The following OLFML2B variants were observed in gnomAD, a reference collection of about 807,000 sequenced individuals.
OLFML2B encodes olfactomedin like 2B.
In OLFML2B, 57 loss-of-function variants were observed where a neutral mutation model predicts 74.9. That is an observed-to-expected ratio of 0.76 (90% CI 0.61 to 0.95). The LOEUF (loss-of-function observed/expected upper bound fraction) is 0.95, where lower values mean the gene tolerates loss of function less well. Among genes scored for constraint, OLFML2B ranks in the 40% least tolerant of loss-of-function variants. OLFML2B has a pLI of 0.00. For synonymous variants in OLFML2B, 388 were observed against 405.8 expected (o/e 0.96, Z 0.53); for missense variants, 986 against 970.6 (o/e 1.02, Z -0.21).
chr1:162,004,347 C>A (rs1398612650), intron 4 of OLFML2B, among the ~76,000 whole-genome samples: 1 of 152,178 alleles, frequency 6.6e-6, no homozygotes, highest in Non-Finnish European at 1.5e-5. Flanking sequence ...AGTAGCCAGC[C>A]TGTCAGGGAC....
In OLFML2B at chr1:162,000,097, G is replaced by T. The variant is rs1051730861; in HGVS notation, c.949+16C>A. On this transcript the variant is annotated intron_variant, in intron 5 of 7. Transcript: ENST00000294794. The stretch of plus-strand genomic sequence containing the variant: ...CCTACCCTGCCTCTGGGGCGGCCCT[G>T]TTGACCCCAACTCACGCTGCTCTTC... 4 of 1,570,330 alleles carry T rather than the reference G, an allele frequency of 2.5e-6. No homozygotes were observed. The East Asian group carries it at 9.0e-5, about 35-fold the overall frequency.
chr1:161,988,874 G>T (rs571517653), intron 6 of OLFML2B, among the ~76,000 whole-genome samples: 4 of 152,044 alleles, frequency 2.6e-5, no homozygotes, highest in Non-Finnish European at 5.9e-5. Context: ...ACTGAAAATG[G>T]AAATCATTTG....
chr1:162,011,196 G>A (rs975615635), intron 3 of OLFML2B, among the ~76,000 whole-genome samples: 3 of 152,312 alleles, frequency 2.0e-5, no homozygotes, highest in South Asian at 2.1e-4. Context: ...CATATCTAAG[G>A]AGGCTGCCTG....
chr1:162,002,280 C>A (rs114420255), intron 4 of OLFML2B, among the ~76,000 whole-genome samples: 8 of 152,166 alleles, frequency 5.3e-5, no homozygotes, highest in Non-Finnish European at 8.8e-5. Context: ...AATGAAGAGG[C>A]GGCTTCCTGC....
rs1371963180 is a variant in OLFML2B at position 161,984,560 on chromosome 1, C to G, written c.1651+244G>C. On this transcript the variant is annotated intron_variant, in intron 7 of 7. Transcript: ENST00000294794. ...TTGTCAAGGGCTATGGGAAAGGGAG[C>G]CTGTCTTCTGGACTCGGAGGTTTTT... Among the ~76,000 whole-genome samples the G allele has an allele frequency of 2.0e-5, 3 of 152,206 alleles. No individual in the cohort carries two copies. The East Asian group carries it at 5.8e-4, about 29-fold the overall frequency.
chr1:161,993,886 C>T (rs1689814293), intron 6 of OLFML2B, among the ~76,000 whole-genome samples: 1 of 152,218 alleles, frequency 6.6e-6, no homozygotes, highest in African/African-American at 2.4e-5. Context: ...TCACTGCTGC[C>T]TCCCTGCACC....
chr1:162,019,891 C>G, intron 2 of OLFML2B, 28 bp downstream of exon 2: 1 of 1,609,474 alleles, frequency 6.2e-7, no homozygotes, highest in Non-Finnish European at 8.5e-7. Flanking sequence ...CCCTCTCGTC[C>G]AAGGCATTGC....
chr1:162,011,976 A>G (rs932246985), intron 3 of OLFML2B, among the ~76,000 whole-genome samples: 4 of 152,228 alleles, frequency 2.6e-5, no homozygotes, highest in African/African-American at 9.7e-5. Flanking sequence ...TGAAGTATAT[A>G]CAACCCTGGG....
At chr1:162,017,082 T>A (rs1690561326) in intron 3 of OLFML2B, among the ~76,000 whole-genome samples, 1 of 152,206 alleles carries the variant, frequency 6.6e-6, no homozygotes, top group Non-Finnish European at 1.5e-5. Context: ...GGTAAGATGC[T>A]TATTGTACCT....
intron 7 of OLFML2B, 142 bp downstream of exon 7, chr1:161,984,662 C>T (rs61809522): frequency 1.1e-6 from 1 of 884,080 alleles, no homozygotes; most frequent in Non-Finnish European, 1.8e-6. Flanking sequence ...GGGGACCGCT[C>T]TCCAAGGAAA....
In OLFML2B at chr1:162,000,302, G is replaced by C; in HGVS notation, c.760C>G (p.Gln254Glu). The C allele has an allele frequency of 6.2e-7, 1 of 1,613,106 alleles. No individual in the cohort carries two copies. Among genetic ancestry groups the C allele is most frequent in the Non-Finnish European group, 8.5e-7 (1 of 1,180,028 alleles). ...ERFLQEETVS[Q>E]QINSIELLQT... The stretch of plus-strand genomic sequence containing the variant: ...AGAAGTTCGATGGAGTTGATCTGCT[G>C]GGACACGGTTTCTTCCTGCAGAAAC... Residue 254 changes from glutamine to glutamate, a missense_variant, in exon 5 of 8, where the codon CAG becomes GAG. Physicochemically the swap from Gln to Glu is conservative, Grantham distance 29 (BLOSUM62 2). Coordinates refer to ENST00000294794, the MANE Select transcript of OLFML2B (RefSeq NM_015441.3).
chr1:161,984,863 G>A lies in OLFML2B; in HGVS notation c.1592C>T (p.Thr531Ile). 1 of 1,612,718 alleles carries A rather than the reference G, an allele frequency of 6.2e-7. No individual in the cohort carries two copies. Among genetic ancestry groups the A allele is most frequent in the Non-Finnish European group, 8.5e-7 (1 of 1,179,840 alleles). ...PLAKDERIYV[T>I]NYYYGNTLVE... ...CAGGGTGTTGCCGTAGTAATAGTTG[G>A]TTACGTAAATCCGCTCATCCTTGGC... The change falls in exon 7 of 8, where the codon ACC (threonine) becomes ATC (isoleucine). Residue 531 changes from threonine (T) to isoleucine (I), a missense_variant. Transcript: ENST00000294794.
intron 3 of OLFML2B, among the ~76,000 whole-genome samples, chr1:162,014,850 TAG>T (rs1690486556): frequency 1.3e-5 from 2 of 152,232 alleles, no homozygotes; most frequent in Admixed American, 6.5e-5. Flanking sequence ...GTCTATGGGA[TAG>T]AGTCACAGTT....
chr1:161,983,668 A>G lies in OLFML2B; in HGVS notation c.*7T>C. On this transcript the variant is annotated 3_prime_UTR_variant, in exon 8 of 8. Transcript: ENST00000294794. ...CCTCTGTGCTTCTGCTTGTGGGGAC[A>G]AGGGTGTCAGTAGGCAAAGATGACA... The G allele has an allele frequency of 1.3e-6, 2 of 1,597,700 alleles. No individual in the cohort carries two copies. Among genetic ancestry groups the G allele is most frequent in the Non-Finnish European group, 1.7e-6 (2 of 1,169,690 alleles).
At position 162,011,182 on chromosome 1, in the gene OLFML2B, C is replaced by T. The variant is rs117239404; in HGVS notation, c.547-4709G>A. Among the ~76,000 whole-genome samples the T allele has an allele frequency of 7.6e-4, 116 of 152,318 alleles. 1 individual carries two copies. The East Asian group carries it at 0.02, about 27-fold the overall frequency. ...CCCCAAGTCACACAGCAGGTGCACA[C>T]AGCCATATCTAAGGAGGCTGCCTGG... On this transcript the variant is annotated intron_variant, in intron 3 of 7. Coordinates refer to ENST00000294794, the MANE Select transcript of OLFML2B (RefSeq NM_015441.3).
chr1:162,007,684 T>C (rs972764108), intron 3 of OLFML2B, among the ~76,000 whole-genome samples: 1 of 152,116 alleles, frequency 6.6e-6, no homozygotes, highest in Non-Finnish European at 1.5e-5. Flanking sequence ...GCTACTAACA[T>C]CCTAGAGGGA....
At chr1:162,010,938 C>T (rs1194721358) in intron 3 of OLFML2B, among the ~76,000 whole-genome samples, 2 of 152,010 alleles carry the variant, frequency 1.3e-5, no homozygotes, top group African/African-American at 4.8e-5. Flanking sequence ...CAGTGCTGGG[C>T]AAGGAAATCA....
At chr1:161,997,794 AG>A in intron 6 of OLFML2B, 30 bp downstream of exon 6, 1 of 1,582,588 alleles carries the variant, frequency 6.3e-7, no homozygotes, top group Non-Finnish European at 8.6e-7. Context: ...TGAGCTGATC[AG>A]GAGACCAAGG....
intron 4 of OLFML2B, among the ~76,000 whole-genome samples, chr1:162,003,873 C>T (rs902787605): frequency 3.3e-5 from 5 of 152,338 alleles, no homozygotes; most frequent in African/African-American, 1.2e-4. Context: ...TGGCAAGATC[C>T]TGCCTTGGGG....
Sources: allele counts gnomAD v4.1 joint callset (sites outside exome capture counted in the v4.1 genomes callset), GRCh38; gene constraint gnomAD v4.1.1; transcripts MANE v1.5; gene names NCBI Gene and HGNC (gene_info 2026-07-23, HGNC 2026-07-21).